The following AAK1 variants were observed in gnomAD, a reference collection of about 807,000 sequenced individuals.
The protein encoded by AAK1 is AP2-associated protein kinase 1.
Under a neutral mutation model 116.0 loss-of-function variants are expected in AAK1, and 37 were observed. That is an observed-to-expected ratio of 0.32 (90% CI 0.25 to 0.42). AAK1 has a LOEUF of 0.42. Among genes scored for constraint, AAK1 ranks in the 10% least tolerant of loss-of-function variants. The probability of loss-of-function intolerance (pLI) is 1.00; values close to 1 mark genes in which losing one functional copy is unlikely to be tolerated. For missense variants in AAK1, 919 were observed against 1,170.6 expected, an observed-to-expected ratio of 0.79 and a Z score of 3.14; for synonymous variants, 458 against 439.9, an observed-to-expected ratio of 1.04 and a Z score of -0.51.
chr2:69,474,757 A>T lies in AAK1; in HGVS notation c.*1112T>A. 1.0e-6 allele frequency: 1 copy of T among 985,816 alleles called. No homozygotes were observed. The highest frequency in any genetic ancestry group is 1.2e-6 in the Non-Finnish European group (1 of 829,908). 61.1% of individuals were successfully genotyped at this position (985,816 alleles called of 1,614,324 possible). A position where few individuals can be genotyped will look rare whatever the true frequency, so the allele number is the denominator to read the frequency against. ...ATAGCACACAAGTCTATTCAAAATG[A>T]TTCCATATGTTACACTGTAGGATTG... On this transcript the variant is annotated 3_prime_UTR_variant, in exon 22 of 22. Coordinates refer to ENST00000409085, the MANE Select transcript of AAK1 (RefSeq NM_014911.5).
chr2:69,575,946 C>T (rs1429738083), intron 2 of AAK1, among the ~76,000 whole-genome samples: 1 of 152,204 alleles, frequency 6.6e-6, no homozygotes, highest in African/African-American at 2.4e-5. Flanking sequence ...TTACTGTAAT[C>T]CTGATGGGCT....
rs568662429 is a variant in AAK1 at position 69,469,421 on chromosome 2, C to G, written c.*6448G>C. The G allele has an allele frequency of 1.0e-6, 1 of 985,412 alleles. No homozygotes were observed. The highest frequency in any genetic ancestry group is 1.7e-5 in the African/African-American group (1 of 57,340). The allele number at this position is 985,412 out of a possible 1,614,324, so 61.0% of individuals were successfully genotyped here. ...TTTTGAGTATGTGAATGTGTTCTTA[C>G]AGGGAAAATGTGTTTTCAGGGTGAA... On this transcript the variant is annotated 3_prime_UTR_variant, in exon 22 of 22. Transcript: ENST00000409085.
At chr2:69,559,284 ACACACACACACACACT>A (rs1671530339) in intron 2 of AAK1, among the ~76,000 whole-genome samples, 2 of 130,734 alleles carry the variant, frequency 1.5e-5, no homozygotes, top group East Asian at 2.6e-4. Context: ...ACACACACAC[ACACACACACACACACT>A]CTCTCTCTCC....
intron 2 of AAK1, among the ~76,000 whole-genome samples, chr2:69,560,260 C>T (rs1210377678): frequency 4.6e-5 from 7 of 152,212 alleles, no homozygotes; most frequent in South Asian, 2.1e-4. Context: ...ATTCAAGATA[C>T]TTCTCGTGCA....
At chr2:69,509,621 C>T (rs1362773813) in intron 13 of AAK1, 161 bp from the exon 14 acceptor site, 2 of 635,302 alleles carry the variant, frequency 3.1e-6, no homozygotes, top group Non-Finnish European at 5.4e-6. Context: ...AAGAAAAATC[C>T]AGGCTTTGAC....
chr2:69,492,396 T>A (rs1033384337), intron 17 of AAK1, among the ~76,000 whole-genome samples: 1 of 151,906 alleles, frequency 6.6e-6, no homozygotes, highest in Non-Finnish European at 1.5e-5. Flanking sequence ...GTATTTTTAG[T>A]AGAGACAGGG....
intron 2 of AAK1, among the ~76,000 whole-genome samples, chr2:69,576,784 C>T (rs1220520260): frequency 6.6e-6 from 1 of 152,162 alleles, no homozygotes; most frequent in African/African-American, 2.4e-5. Flanking sequence ...AAAAAATGGC[C>T]TCTAGAGCCT....
chr2:69,558,334 T>C (rs1671480046), intron 2 of AAK1, among the ~76,000 whole-genome samples: 1 of 119,128 alleles, frequency 8.4e-6, no homozygotes, highest in Non-Finnish European at 1.6e-5. Context: ...AAAGAGACCC[T>C]GTCTCAAAAA....
chr2:69,483,983 A>C (rs1675194178), intron 17 of AAK1, among the ~76,000 whole-genome samples: 2 of 152,208 alleles, frequency 1.3e-5, no homozygotes, highest in African/African-American at 4.8e-5. Context: ...ATAATGAATC[A>C]TAGAATCTTA....
chr2:69,594,610 G>A (rs545591930), intron 2 of AAK1: 19 of 497,906 alleles, frequency 3.8e-5, no homozygotes, highest in South Asian at 1.8e-4. Flanking sequence ...ACCACAGGCC[G>A]AAAGTGAGGC....
At chr2:69,492,760 G>A (rs1335237927) in intron 17 of AAK1, among the ~76,000 whole-genome samples, 1 of 151,814 alleles carries the variant, frequency 6.6e-6, no homozygotes, top group East Asian at 1.9e-4. Context: ...CTGACCTCAG[G>A]TGATCCACCC....
intron 12 of AAK1, 34 bp from the exon 13 acceptor site, chr2:69,514,783 G>A: frequency 6.6e-7 from 1 of 1,523,556 alleles, no homozygotes; most frequent in African/African-American, 1.4e-5. Context: ...ATAAGGGCCT[G>A]TCCCAGAATA....
intron 5 of AAK1, among the ~76,000 whole-genome samples, chr2:69,541,993 C>A (rs1458153343): frequency 1.3e-5 from 2 of 152,138 alleles, no homozygotes; most frequent in Admixed American, 1.3e-4. Flanking sequence ...AGACACTGTA[C>A]ATAAAACGTA....
intron 2 of AAK1, among the ~76,000 whole-genome samples, chr2:69,615,142 T>C (rs1674267000): frequency 6.6e-6 from 1 of 152,182 alleles, no homozygotes; most frequent in South Asian, 2.1e-4. Context: ...AAAACCTTCC[T>C]TCTAGGGTTT....
In AAK1 at chr2:69,468,597, G is replaced by A; in HGVS notation, c.*7272C>T. 2 of 985,392 alleles carry A rather than the reference G, an allele frequency of 2.0e-6. No homozygotes were observed. Among genetic ancestry groups the A allele is most frequent in the Non-Finnish European group, 2.4e-6 (2 of 829,916 alleles). 61.0% of individuals were successfully genotyped at this position (985,392 alleles called of 1,614,324 possible). A position where few individuals can be genotyped will look rare whatever the true frequency, so the allele number is the denominator to read the frequency against. On this transcript the variant is annotated 3_prime_UTR_variant, in exon 22 of 22. Transcript: ENST00000409085. ...CAGTGACCAACTCTGGCATCATACA[G>A]GTCAATAATCCAATGAACACTAGTT...
At chr2:69,548,540 T>C (rs546504255) in intron 3 of AAK1, among the ~76,000 whole-genome samples, 2 of 151,136 alleles carry the variant, frequency 1.3e-5, no homozygotes, top group African/African-American at 4.9e-5. Flanking sequence ...CTCTCTCTCT[T>C]CCTTCCTTCC....
intron 5 of AAK1, among the ~76,000 whole-genome samples, chr2:69,541,655 C>G (rs960515685): frequency 5.9e-5 from 9 of 152,086 alleles, no homozygotes; most frequent in Non-Finnish European, 1.3e-4. Flanking sequence ...TTAGAGTATA[C>G]AAAAACCACC....
chr2:69,601,084 T>C (rs571598228), intron 2 of AAK1, among the ~76,000 whole-genome samples: 1 of 152,368 alleles, frequency 6.6e-6, no homozygotes, highest in African/African-American at 2.4e-5. Flanking sequence ...TATAGTATAG[T>C]GTAAACATAA....
intron 10 of AAK1, among the ~76,000 whole-genome samples, chr2:69,523,912 T>G (rs1669899067): frequency 6.6e-6 from 1 of 152,262 alleles, no homozygotes; most frequent in Admixed American, 6.5e-5. Context: ...CACCCATGCT[T>G]CTTCTCCCTC....
Sources: allele counts gnomAD v4.1 joint callset (sites outside exome capture counted in the v4.1 genomes callset), GRCh38; gene constraint gnomAD v4.1.1; transcripts MANE v1.5; gene names NCBI Gene and HGNC (gene_info 2026-07-23, HGNC 2026-07-21).